RNFT2: variants seen among roughly 807,000 people sequenced by gnomAD.
RNFT2 encodes the protein ring finger protein, transmembrane 2, also known as E3 ubiquitin-protein ligase RNFT2.
Under a neutral mutation model 53.0 loss-of-function variants are expected in RNFT2, and 36 were observed. The ratio of observed to expected loss-of-function variants is 0.68; its 90% CI spans 0.52 to 0.90. The LOEUF (loss-of-function observed/expected upper bound fraction) is 0.90. RNFT2 is among the 40% of genes least tolerant of loss of function. RNFT2 has a pLI of 0.00. For synonymous variants in RNFT2, 260 were observed against 253.2 expected, an observed-to-expected ratio of 1.03 and a Z score of -0.26; for missense variants, 514 against 585.6, an observed-to-expected ratio of 0.88 and a Z score of 1.26.
chr12:116,796,762 G>A (rs1197018721), intron 7 of RNFT2, among the ~76,000 whole-genome samples: 1 of 152,122 alleles, frequency 6.6e-6, no homozygotes, highest in Non-Finnish European at 1.5e-5. Flanking sequence ...GCTGGGGCAG[G>A]TCTGAGTATT....
chr12:116,744,098 T>C (rs1871778319), intron 3 of RNFT2, among the ~76,000 whole-genome samples: 1 of 151,874 alleles, frequency 6.6e-6, no homozygotes, highest in South Asian at 2.1e-4. Flanking sequence ...TGGTGGCAGA[T>C]GCCTGTAGTC....
Position 116,852,787 on chromosome 12 carries a change from C to T in RNFT2, c.*3339C>T. Reference sequence around the variant, plus strand: ...CTCTTTATTACTTTGGGAAGTCACTCAGCCTCCCTGTAGCCATCTCCAGGG... The same window carrying T: ...CTCTTTATTACTTTGGGAAGTCACTTAGCCTCCCTGTAGCCATCTCCAGGG... On this transcript the variant is annotated 3_prime_UTR_variant, in exon 11 of 11. Coordinates refer to ENST00000257575, the MANE Select transcript of RNFT2 (RefSeq NM_001382266.1). The T allele has an allele frequency of 4.7e-6, 7 of 1,477,986 alleles. No homozygotes were observed. In the South Asian group the frequency reaches 8.0e-5, roughly 17 times the overall value. The allele number at this position is 1,477,986 out of a possible 1,614,324, so 91.6% of individuals were successfully genotyped here.
At chr12:116,841,855 A>AGAGAAAGAGAGAGAGAG (rs1565876093) in intron 10 of RNFT2, among the ~76,000 whole-genome samples, 1 of 24,536 alleles carries the variant, frequency 4.1e-5, no homozygotes, top group African/African-American at 1.5e-4. Context: ...AAATATATAT[A>AGAGAAAGAGAGAGAGAG]AAAATATATA....
At chr12:116,750,557 C>T (rs1872142974) in intron 4 of RNFT2, among the ~76,000 whole-genome samples, 1 of 151,792 alleles carries the variant, frequency 6.6e-6, no homozygotes, top group Admixed American at 6.6e-5. Context: ...AGGATAGAAA[C>T]TTCCTCGCTG....
intron 4 of RNFT2, 115 bp from the exon 5 acceptor site, chr12:116,753,869 T>C: frequency 1.4e-6 from 1 of 737,472 alleles, no homozygotes; most frequent in South Asian, 1.6e-5. Context: ...TTTTTCTCTC[T>C]CTTCTGTCAA....
At chr12:116,786,935 C>G (rs941990726) in intron 7 of RNFT2, among the ~76,000 whole-genome samples, 1 of 152,188 alleles carries the variant, frequency 6.6e-6, no homozygotes, top group Non-Finnish European at 1.5e-5. Flanking sequence ...TGGTCTTCTC[C>G]TCTTCTGTGA....
At chr12:116,839,023 A>C (rs2137210765) in intron 10 of RNFT2, among the ~76,000 whole-genome samples, 1 of 152,338 alleles carries the variant, frequency 6.6e-6, no homozygotes, top group South Asian at 2.1e-4. Flanking sequence ...TGAATGAACA[A>C]ATGAATGAAT....
At chr12:116,832,460 T>C (rs1389298379) in intron 7 of RNFT2, among the ~76,000 whole-genome samples, 1 of 152,182 alleles carries the variant, frequency 6.6e-6, no homozygotes, top group Non-Finnish European at 1.5e-5. Flanking sequence ...GTTTATCCGT[T>C]CTTCCATTGA....
chr12:116,755,412 G>C, intron 5 of RNFT2: 1 of 1,046,296 alleles, frequency 9.6e-7, no homozygotes, highest in South Asian at 1.3e-5. Context: ...AATTCACAGG[G>C]AATAGGTTCC....
chr12:116,830,953 C>A (rs981580137), intron 7 of RNFT2, among the ~76,000 whole-genome samples: 6 of 151,454 alleles, frequency 4.0e-5, no homozygotes, highest in African/African-American at 1.2e-4. Context: ...AGGATTGAAA[C>A]CAAGATCCCA....
chr12:116,818,698 G>C (rs1356912320), intron 7 of RNFT2, among the ~76,000 whole-genome samples: 1 of 152,226 alleles, frequency 6.6e-6, no homozygotes, highest in African/African-American at 2.4e-5. Flanking sequence ...GTGGTGTCGA[G>C]TAATTGAAAG....
intron 6 of RNFT2, among the ~76,000 whole-genome samples, chr12:116,772,749 G>C (rs1254508311): frequency 6.6e-6 from 1 of 152,194 alleles, no homozygotes; most frequent in Non-Finnish European, 1.5e-5. Context: ...GTTGTAGTGT[G>C]CAGAACATGC....
intron 7 of RNFT2, among the ~76,000 whole-genome samples, chr12:116,793,701 T>G (rs1874357406): frequency 6.6e-6 from 1 of 152,158 alleles, no homozygotes; most frequent in Non-Finnish European, 1.5e-5. Flanking sequence ...CCTGGATGTT[T>G]CCATGGCTGT....
Position 116,749,996 on chromosome 12 carries a change from C to T in RNFT2, c.239C>T (p.Ser80Phe). ...SSFPSSLVLGSSAGGGDVFIQ... is the reference protein window; with the variant it reads ...SSFPSSLVLGFSAGGGDVFIQ... ...TTCCCCTCCAGCCTGGTGCTGGGCT[C>T]CTCGGCTGGCGGCGGGGACGTGTTC... The change falls in exon 4 of 11, where the codon TCC (serine) becomes TTC (phenylalanine). Residue 80 changes from serine (S) to phenylalanine (F), a missense_variant. Ser to Phe is a radical substitution (Grantham distance 155, BLOSUM62 -2). Coordinates refer to ENST00000257575, the MANE Select transcript of RNFT2 (RefSeq NM_001382266.1). 3 of 1,558,740 alleles carry T rather than the reference C, an allele frequency of 1.9e-6. No individual in the cohort carries two copies. The highest frequency in any genetic ancestry group is 2.6e-6 in the Non-Finnish European group (3 of 1,151,362).
At chr12:116,848,010 C>T (rs375840798) in intron 10 of RNFT2, among the ~76,000 whole-genome samples, 13 of 152,094 alleles carry the variant, frequency 8.5e-5, no homozygotes, top group Admixed American at 3.9e-4. Context: ...CCCCAGCCCC[C>T]GCAACAGGCC....
At chr12:116,839,800 G>C (rs973074417) in intron 10 of RNFT2, among the ~76,000 whole-genome samples, 1 of 151,226 alleles carries the variant, frequency 6.6e-6, no homozygotes, top group African/African-American at 2.4e-5. Context: ...GAGGGGCGGA[G>C]GGGCCCACTA....
chr12:116,796,930 G>A (rs994463020), intron 7 of RNFT2, among the ~76,000 whole-genome samples: 3 of 152,208 alleles, frequency 2.0e-5, no homozygotes, highest in Non-Finnish European at 4.4e-5. Context: ...CCAACTAGGG[G>A]GCTGTGGTAA....
chr12:116,852,518 G>A lies in RNFT2; in HGVS notation c.*3070G>A. 6.5e-7 allele frequency: 1 copy of A among 1,545,384 alleles called. No individual in the cohort carries two copies. Among genetic ancestry groups the A allele is most frequent in the Non-Finnish European group, 8.7e-7 (1 of 1,146,546 alleles). ...CCCACTTGCCTGAATAATCAAGTGG[G>A]AAGGGGAAGCAGAGGGAAATGGGGC... On this transcript the variant is annotated 3_prime_UTR_variant, in exon 11 of 11. Transcript: ENST00000257575.
chr12:116,786,084 A>G (rs1440896265), intron 7 of RNFT2, among the ~76,000 whole-genome samples: 1 of 151,846 alleles, frequency 6.6e-6, no homozygotes. Context: ...TACTCTTATC[A>G]ATGGATGAGG....
Sources: allele counts gnomAD v4.1 joint callset (sites outside exome capture counted in the v4.1 genomes callset), GRCh38; gene constraint gnomAD v4.1.1; transcripts MANE v1.5; gene names NCBI Gene and HGNC (gene_info 2026-07-23, HGNC 2026-07-21).